Variants in AGBL1 observed in about 807,000 individuals in gnomAD.
AGBL1 encodes the protein AGBL carboxypeptidase 1, also known as cytosolic carboxypeptidase 4.
Under a neutral mutation model 118.9 loss-of-function variants are expected in AGBL1, and 130 were observed. The observed-to-expected ratio is 1.09, with a 90% confidence interval of 0.95 to 1.26. AGBL1 has a LOEUF of 1.26. Among genes scored for constraint, AGBL1 ranks in the 50% most tolerant of loss-of-function variants. The probability of loss-of-function intolerance (pLI) is 0.00; values close to 1 mark genes in which losing one functional copy is unlikely to be tolerated. For missense variants in AGBL1, 1,584 were observed against 1,298.1 expected (o/e 1.22, Z -3.38); for synonymous variants, 555 against 478.9 (o/e 1.16, Z -2.08).
At chr15:86,927,794 T>C (rs2080561353) in intron 23 of AGBL1, among the ~76,000 whole-genome samples, 1 of 152,116 alleles carries the variant, frequency 6.6e-6, no homozygotes, top group Non-Finnish European at 1.5e-5. Flanking sequence ...TCTAGGGCAG[T>C]TGTTCCTCTC....
chr15:86,944,710 C>G (rs1431862881), intron 23 of AGBL1, among the ~76,000 whole-genome samples: 1 of 152,028 alleles, frequency 6.6e-6, no homozygotes, highest in Non-Finnish European at 1.5e-5. Context: ...TTTTTAATAC[C>G]TTCAATTCAT....
rs112025544 is a variant in AGBL1, at chr15:86,416,198, C to G, written c.2555+18652C>G. Among the ~76,000 whole-genome samples the G allele has an allele frequency of 5.3e-3, 814 of 152,200 alleles. 14 individuals carry two copies. Among genetic ancestry groups the G allele is most frequent in the South Asian group, 0.044 (213 of 4,818 alleles). On this transcript the variant is annotated intron_variant, in intron 18 of 22. Coordinates refer to ENST00000614907, the MANE Select transcript of AGBL1 (RefSeq NM_001386094.1). ...GAGTAGAGATGACTAAATATTGACT[C>G]GTTTCTAAGAAGTGGATTGTGATTT...
chr15:86,266,486 T>A (rs1299961959), intron 12 of AGBL1, 29 bp downstream of exon 12: 1 of 1,498,396 alleles, frequency 6.7e-7, no homozygotes, highest in East Asian at 2.4e-5. Context: ...CTGAGGAAGG[T>A]GGGGCATGGA....
At chr15:86,275,502 T>C (rs2079236644) in intron 15 of AGBL1, among the ~76,000 whole-genome samples, 1 of 152,232 alleles carries the variant, frequency 6.6e-6, no homozygotes, top group South Asian at 2.1e-4. Context: ...TTCTCCATCA[T>C]GGCATTTGCT....
chr15:86,511,537 C>G (rs576032730), intron 18 of AGBL1, among the ~76,000 whole-genome samples: 1 of 152,020 alleles, frequency 6.6e-6, no homozygotes, highest in Non-Finnish European at 1.5e-5. Flanking sequence ...TATTCAGAGG[C>G]TACTCTAGCT....
chr15:86,805,817 C>G (rs1462548081), intron 22 of AGBL1, among the ~76,000 whole-genome samples: 1 of 152,130 alleles, frequency 6.6e-6, no homozygotes, highest in African/African-American at 2.4e-5. Context: ...ATTTACTACC[C>G]AGTTGCAATC....
intron 23 of AGBL1, among the ~76,000 whole-genome samples, chr15:86,942,105 T>C (rs2080760456): frequency 1.3e-5 from 2 of 152,174 alleles, no homozygotes; most frequent in African/African-American, 2.4e-5. Context: ...ATGTTCCTTT[T>C]CTCCTTAACT....
At chr15:86,470,513 C>T (rs1473427995) in intron 18 of AGBL1, among the ~76,000 whole-genome samples, 7 of 152,074 alleles carry the variant, frequency 4.6e-5, no homozygotes, top group Admixed American at 3.9e-4. Context: ...ATTGTTTTGA[C>T]CAGTCAGTGT....
At chr15:86,657,816 G>C (rs2085485242) in intron 21 of AGBL1, among the ~76,000 whole-genome samples, 1 of 151,696 alleles carries the variant, frequency 6.6e-6, no homozygotes, top group African/African-American at 2.4e-5. Flanking sequence ...GGGTAGACCA[G>C]AACAGGGAAT....
chr15:86,550,986 G>A (rs2083656423), intron 20 of AGBL1, among the ~76,000 whole-genome samples: 1 of 151,764 alleles, frequency 6.6e-6, no homozygotes, highest in Non-Finnish European at 1.5e-5. Flanking sequence ...ATTAACTTAT[G>A]GATCAAAGAG....
At position 86,663,100 on chromosome 15, in the gene AGBL1, T is replaced by G. The variant is rs139043999; in HGVS notation, c.2995-11173T>G. Among the ~76,000 whole-genome samples, 323 of 152,198 alleles carry G rather than the reference T, an allele frequency of 2.1e-3. 1 individual carries two copies. Among genetic ancestry groups the G allele is most frequent in the African/African-American group, 7.2e-3 (298 of 41,542 alleles). ...CCAATTGCTAGTGCATTACAAGACT[T>G]CCACACCTATGGGTTAATGGCCCCT... On this transcript the variant is annotated intron_variant, in intron 21 of 22. Coordinates refer to ENST00000614907, the MANE Select transcript of AGBL1 (RefSeq NM_001386094.1).
At chr15:87,010,810 C>CCTAT (rs946724148) in intron 24 of AGBL1, among the ~76,000 whole-genome samples, 9 of 152,128 alleles carry the variant, frequency 5.9e-5, no homozygotes, top group African/African-American at 2.2e-4. Context: ...TAATAAATCT[C>CCTAT]CTATCTGTCA....
At chr15:86,559,070 C>T (rs2142281006) in intron 21 of AGBL1, among the ~76,000 whole-genome samples, 1 of 152,256 alleles carries the variant, frequency 6.6e-6, no homozygotes, top group South Asian at 2.1e-4. Context: ...CAACGCATCA[C>T]TACAATTTCT....
At chr15:86,326,318 GTC>G (rs2080182138) in intron 17 of AGBL1, among the ~76,000 whole-genome samples, 2 of 152,068 alleles carry the variant, frequency 1.3e-5, no homozygotes, top group Non-Finnish European at 2.9e-5. Context: ...AGCCATGAGT[GTC>G]TCTCTCTTAG....
At chr15:87,027,250 G>A (rs2081738321) in intron 24 of AGBL1, among the ~76,000 whole-genome samples, 1 of 151,970 alleles carries the variant, frequency 6.6e-6, no homozygotes, top group South Asian at 2.1e-4. Context: ...ACACCAGTTA[G>A]AATGGGTATT....
intron 5 of AGBL1, among the ~76,000 whole-genome samples, chr15:86,165,696 G>C (rs1339557506): frequency 6.6e-6 from 1 of 152,024 alleles, no homozygotes; most frequent in East Asian, 1.9e-4. Flanking sequence ...GGTCTCCAGG[G>C]CATGGCCTCA....
At chr15:86,320,362 C>G (rs980531086) in intron 17 of AGBL1, among the ~76,000 whole-genome samples, 1 of 151,452 alleles carries the variant, frequency 6.6e-6, no homozygotes, top group Non-Finnish European at 1.5e-5. Context: ...AATTTATATA[C>G]TTGTGGCTAT....
At chr15:86,173,639 C>G (rs527695592) in intron 5 of AGBL1, among the ~76,000 whole-genome samples, 1 of 152,170 alleles carries the variant, frequency 6.6e-6, no homozygotes, top group Admixed American at 6.5e-5. Context: ...AGGTAGGGGT[C>G]TAGTTTCACT....
chr15:86,303,471 G>T (rs1281675275), intron 17 of AGBL1, among the ~76,000 whole-genome samples: 2 of 152,112 alleles, frequency 1.3e-5, no homozygotes, highest in African/African-American at 2.4e-5. Flanking sequence ...TTGGTGGGTG[G>T]ATAGTTGAAT....
Sources: gnomAD v4.1 joint callset for allele counts (sites outside exome capture counted in the v4.1 genomes callset) on GRCh38, gnomAD v4.1.1 for gene constraint, MANE v1.5 for transcripts, NCBI Gene and HGNC (gene_info 2026-07-23, HGNC 2026-07-21) for gene names.